Variants in MED13 observed in about 807,000 individuals in gnomAD.
The protein encoded by MED13 is mediator complex subunit 13, also known as mediator of RNA polymerase II transcription subunit 13.
MED13 carries 23 observed loss-of-function variants against 225.2 expected under a neutral mutation model. The observed-to-expected ratio is 0.10, with a 90% CI of 0.07 to 0.14. MED13 has a LOEUF of 0.14. MED13 is among the 10% of genes least tolerant of loss of function. The probability of loss-of-function intolerance (pLI) is 1.00; values close to 1 mark genes in which losing one functional copy is unlikely to be tolerated. For synonymous variants in MED13, 942 were observed against 889.2 expected, an observed-to-expected ratio of 1.06 and a Z score of -1.06; for missense variants, 2,197 against 2,594.5, an observed-to-expected ratio of 0.85 and a Z score of 3.33.
At chr17:61,994,010 T>G (rs2080326370) in intron 10 of MED13, among the ~76,000 whole-genome samples, 1 of 152,118 alleles carries the variant, frequency 6.6e-6, no homozygotes, top group Non-Finnish European at 1.5e-5. Flanking sequence ...TTCAATTTTT[T>G]TTTTTTTTAA....
At chr17:62,031,991 G>T (rs2080761685) in intron 5 of MED13, among the ~76,000 whole-genome samples, 1 of 151,752 alleles carries the variant, frequency 6.6e-6, no homozygotes, top group South Asian at 2.1e-4. Context: ...TATTGTTTAA[G>T]TTTAACAAAG....
At chr17:62,041,473 G>GAC (rs1169638352) in intron 3 of MED13, among the ~76,000 whole-genome samples, 1 of 152,174 alleles carries the variant, frequency 6.6e-6, no homozygotes, top group Non-Finnish European at 1.5e-5. Flanking sequence ...AGATAGTGGT[G>GAC]ATGGTTAACA....
At chr17:61,980,829 GCC>G (rs1031234890) in intron 16 of MED13, among the ~76,000 whole-genome samples, 1 of 151,644 alleles carries the variant, frequency 6.6e-6, no homozygotes, top group African/African-American at 2.4e-5. Flanking sequence ...CACAACCTCC[GCC>G]CCCCAGGTTC....
chr17:62,032,249 G>A (rs1393861715), intron 5 of MED13: 1 of 151,836 alleles, frequency 6.6e-6, no homozygotes, highest in Non-Finnish European at 1.5e-5. Flanking sequence ...CGAGGCAGGT[G>A]GGTCATTTGA....
chr17:61,994,855 C>T (rs577156455), intron 10 of MED13, among the ~76,000 whole-genome samples: 1 of 152,134 alleles, frequency 6.6e-6, no homozygotes, highest in South Asian at 2.1e-4. Flanking sequence ...GATTACAAGG[C>T]GCACACCACC....
intron 9 of MED13, chr17:62,006,486 A>G (rs2080450053): frequency 6.6e-6 from 1 of 152,220 alleles, no homozygotes; most frequent in Non-Finnish European, 1.5e-5. Context: ...AAAATTCCCC[A>G]TCCAGTTATC....
At chr17:62,008,362 T>G (rs7211494) in intron 9 of MED13, among the ~76,000 whole-genome samples, 3 of 140,372 alleles carry the variant, frequency 2.1e-5, no homozygotes, top group Admixed American at 7.1e-5. Flanking sequence ...GCCTTTCAAG[T>G]GCCCAGCACA....
chr17:61,989,675 T>C (rs2080278715), intron 11 of MED13, among the ~76,000 whole-genome samples: 3 of 152,228 alleles, frequency 2.0e-5, no homozygotes, highest in African/African-American at 4.8e-5. Flanking sequence ...CTCACTACGT[T>C]GGCCAAGGTG....
At chr17:62,029,716 A>G (rs1018203557) in intron 7 of MED13, 65 bp from the exon 8 acceptor site, 33 of 1,529,470 alleles carry the variant, frequency 2.2e-5, no homozygotes, top group Middle Eastern at 1.7e-4. Context: ...TCAATGTAGC[A>G]TTGAAATTAA....
At chr17:62,042,566 A>AT (rs2080862182) in intron 3 of MED13, among the ~76,000 whole-genome samples, 1 of 151,282 alleles carries the variant, frequency 6.6e-6, no homozygotes, top group Non-Finnish European at 1.5e-5. Flanking sequence ...ATCTCAAAAA[A>AT]AAAAAAAAAA....
intron 17 of MED13, among the ~76,000 whole-genome samples, chr17:61,972,313 T>C (rs1312896876): frequency 6.6e-6 from 1 of 152,232 alleles, no homozygotes; most frequent in Non-Finnish European, 1.5e-5. Flanking sequence ...TTCTTAGTTG[T>C]AATTCTTTTT....
intron 23 of MED13, 115 bp downstream of exon 23, chr17:61,960,752 C>T (rs2079991532): frequency 1.5e-6 from 1 of 663,970 alleles, no homozygotes; most frequent in South Asian, 2.9e-5. Context: ...ACCCACAACC[C>T]CACATCTTAA....
chr17:61,964,075 A>G (rs1201022754), intron 20 of MED13, among the ~76,000 whole-genome samples: 1 of 152,202 alleles, frequency 6.6e-6, no homozygotes, highest in Admixed American at 6.5e-5. Context: ...TAAAGCCTCT[A>G]AATAGAGTGG....
chr17:62,007,863 T>C (rs1199202257), intron 9 of MED13, among the ~76,000 whole-genome samples: 1 of 144,120 alleles, frequency 6.9e-6, no homozygotes, highest in Admixed American at 6.9e-5. Context: ...ATAAAAAACA[T>C]AAAAAATTAG....
chr17:61,991,419 A>G (rs1241920205), intron 11 of MED13, among the ~76,000 whole-genome samples: 1 of 151,924 alleles, frequency 6.6e-6, no homozygotes. Flanking sequence ...GGCTCACCAC[A>G]ACCTCTGCCT....
At chr17:61,952,600 T>G (rs929090960) in intron 27 of MED13, among the ~76,000 whole-genome samples, 1 of 152,234 alleles carries the variant, frequency 6.6e-6, no homozygotes, top group South Asian at 2.1e-4. Context: ...AATGCATGAA[T>G]GTACTGTTAA....
At chr17:62,000,041 G>C (rs1042523445) in intron 9 of MED13, among the ~76,000 whole-genome samples, 10 of 152,134 alleles carry the variant, frequency 6.6e-5, no homozygotes, top group African/African-American at 2.4e-4. Context: ...CTGCACCATA[G>C]CCTGGGTAAC....
intron 19 of MED13, 56 bp downstream of exon 19, chr17:61,966,406 G>T: frequency 7.4e-7 from 1 of 1,346,422 alleles, no homozygotes; most frequent in Non-Finnish European, 1.0e-6. Context: ...AACAGCTGGT[G>T]GAGCAGGCCA....
chr17:61,976,480 TG>T (rs1232233916), intron 16 of MED13, among the ~76,000 whole-genome samples: 1 of 152,210 alleles, frequency 6.6e-6, no homozygotes, highest in Non-Finnish European at 1.5e-5. Flanking sequence ...CCCACTGTGT[TG>T]ATGACTGTCC....
Sources: gnomAD v4.1 joint callset for allele counts (sites outside exome capture counted in the v4.1 genomes callset) on GRCh38, gnomAD v4.1.1 for gene constraint, MANE v1.5 for transcripts, NCBI Gene and HGNC (gene_info 2026-07-23, HGNC 2026-07-21) for gene names.